Variants in EP300 observed in about 807,000 individuals in gnomAD.
The protein encoded by EP300 is histone acetyltransferase p300.
In EP300, 31 loss-of-function variants were observed where a neutral mutation model predicts 264.0. The observed-to-expected ratio is 0.12, with a 90% confidence interval of 0.09 to 0.16. EP300 has a LOEUF of 0.16. Among genes scored for constraint, EP300 ranks in the 10% least tolerant of loss-of-function variants. The pLI, the probability that EP300 is intolerant of heterozygous loss-of-function variation, is 1.00. For synonymous variants in EP300, 1,340 were observed against 1,045.4 expected (o/e 1.28, Z -5.44); for missense variants, 2,766 against 3,052.9 (o/e 0.91, Z 2.21).
intron 1 of EP300, among the ~76,000 whole-genome samples, chr22:41,111,874 AC>A (rs2058792631): frequency 2.0e-5 from 2 of 99,194 alleles, no homozygotes; most frequent in African/African-American, 7.6e-5. Flanking sequence ...AGAACTTGTA[AC>A]CTTTTTTTTT....
Position 41,151,882 on chromosome 22 carries a change from C to T in EP300, c.2867C>T (p.Ser956Phe). ...GAAGGACAGGTATCAAATCCTCCAT[C>T]TACTAGTAGCACAGAAGTGAATTCT... ...SIEGQVSNPPSTSSTEVNSQA... is the reference protein window; with the variant it reads ...SIEGQVSNPPFTSSTEVNSQA... Residue 956 changes from serine to phenylalanine, a missense_variant, in exon 15 of 31, where the codon TCT becomes TTT. By Grantham distance (155) the Ser-to-Phe change is radical (BLOSUM62 -2). Coordinates refer to ENST00000263253, the MANE Select transcript of EP300 (RefSeq NM_001429.4). 1 of 1,614,094 alleles carries T rather than the reference C, an allele frequency of 6.2e-7. No homozygotes were observed. The highest frequency in any genetic ancestry group is 1.3e-5 in the African/African-American group (1 of 75,024).
chr22:41,148,219 A>T (rs972164735), intron 12 of EP300, among the ~76,000 whole-genome samples: 5 of 152,098 alleles, frequency 3.3e-5, no homozygotes, highest in African/African-American at 1.2e-4. Context: ...CAGGCAGAGA[A>T]CTGTCTTGCA....
intron 10 of EP300, among the ~76,000 whole-genome samples, chr22:41,142,525 A>G (rs2058988580): frequency 6.6e-6 from 1 of 152,194 alleles, no homozygotes; most frequent in South Asian, 2.1e-4. Flanking sequence ...CAGGAATGAA[A>G]AAGTCAAGAT....
Position 41,129,874 on chromosome 22 carries a change from G to C in EP300, c.1169-16G>C, listed in dbSNP as rs1464221005. 4 of 1,600,474 alleles carry C rather than the reference G, an allele frequency of 2.5e-6. No homozygotes were observed. The highest frequency in any genetic ancestry group is 3.4e-6 in the Non-Finnish European group (4 of 1,168,202). ...CATTAACCTGCTCTTGAAAAAATAT[G>C]TTTTCTTCTCTTTAGTGGCACACTG... On this transcript the variant is annotated splice_polypyrimidine_tract_variant and intron_variant, in intron 4 of 30. Coordinates refer to ENST00000263253, the MANE Select transcript of EP300 (RefSeq NM_001429.4).
chr22:41,167,552 T>TTA (rs2059141339), intron 23 of EP300, among the ~76,000 whole-genome samples: 8 of 128,056 alleles, frequency 6.2e-5, no homozygotes, highest in South Asian at 2.4e-4. Flanking sequence ...TGTTCATTGT[T>TTA]TATATATTTG....
At chr22:41,158,119 G>A (rs899964326) in intron 18 of EP300, among the ~76,000 whole-genome samples, 4 of 152,170 alleles carry the variant, frequency 2.6e-5, no homozygotes, top group East Asian at 1.9e-4. Context: ...TTGGGCTCAC[G>A]CAGTCTTCCC....
rs980537521 is a variant in EP300 at position 41,131,268 on chromosome 22, A to G, written c.1283-120A>G. The G allele has an allele frequency of 2.9e-5, 33 of 1,127,376 alleles. No homozygotes were observed. In the African/African-American group the frequency reaches 4.9e-4, roughly 17 times the overall value. 69.8% of individuals were successfully genotyped at this position (1,127,376 alleles called of 1,614,324 possible). A position where few individuals can be genotyped will look rare whatever the true frequency, so the allele number is the denominator to read the frequency against. On this transcript the variant is annotated intron_variant, in intron 5 of 30. Transcript: ENST00000263253. The stretch of plus-strand genomic sequence containing the variant: ...CAGGAAATAATGGAAGACAAGATCC[A>G]CATACTCAGATGTTTCATAATCACG...
In EP300 at chr22:41,173,775, G is replaced by A; in HGVS notation, c.4770G>A (p.Lys1590=). The A allele has an allele frequency of 6.2e-7, 1 of 1,614,068 alleles. No homozygotes were observed. ...LSQKLYATME[K]HKEVFFVIRL... The stretch of plus-strand genomic sequence containing the variant: ...AGAAACTATATGCCACCATGGAGAA[G>A]CATAAAGAGGTAAGATGCAGCCACC... Residue 1590 remains lysine, a synonymous_variant, in exon 29 of 31, where the codon AAG becomes AAA. Coordinates refer to ENST00000263253, the MANE Select transcript of EP300 (RefSeq NM_001429.4).
chr22:41,111,532 TTTTC>T (rs2058790257), intron 1 of EP300, among the ~76,000 whole-genome samples: 1 of 152,016 alleles, frequency 6.6e-6, no homozygotes, highest in African/African-American at 2.4e-5. Context: ...CCTTTTTCCT[TTTTC>T]TTTCTTTCCT....
At chr22:41,129,211 C>G (rs961419638) in intron 4 of EP300, among the ~76,000 whole-genome samples, 1 of 151,932 alleles carries the variant, frequency 6.6e-6, no homozygotes, top group Non-Finnish European at 1.5e-5. Context: ...CGGGGTTTCA[C>G]TGTGTTAGCC....
chr22:41,162,603 T>G (rs1456117833), intron 20 of EP300, 120 bp from the exon 21 acceptor site: 3 of 742,596 alleles, frequency 4.0e-6, no homozygotes, highest in Non-Finnish European at 7.2e-6. Context: ...CCTATTTAAA[T>G]GTGTATTCTT....
At chr22:41,137,845 T>C in intron 8 of EP300, 55 bp downstream of exon 8, 2 of 1,612,640 alleles carry the variant, frequency 1.2e-6, no homozygotes, top group Non-Finnish European at 1.7e-6. Flanking sequence ...GTCAACATGT[T>C]TTCAATCTCC....
At chr22:41,099,890 G>T (rs1249697810) in intron 1 of EP300, among the ~76,000 whole-genome samples, 6 of 152,122 alleles carry the variant, frequency 3.9e-5, no homozygotes, top group Non-Finnish European at 8.8e-5. Context: ...TTCACTACCC[G>T]GTCAGGTGAG....
At chr22:41,154,376 CTTTTTTTTTTTTTT>C (rs869304891) in intron 16 of EP300, among the ~76,000 whole-genome samples, 4 of 61,792 alleles carry the variant, frequency 6.5e-5, no homozygotes, top group Non-Finnish European at 8.4e-5. Context: ...CTTGTGCACT[CTTTTTTTTTTTTTT>C]TTTTTTTTTG....
At chr22:41,167,568 GTGTGTGTGTGTGTGTGTATATA>G (rs2059141612) in intron 23 of EP300, among the ~76,000 whole-genome samples, 1 of 28,954 alleles carries the variant, frequency 3.5e-5, no homozygotes, top group African/African-American at 1.5e-4. Flanking sequence ...ATTTGTGTGT[GTGTGTGTGTGTGTGTGTATATA>G]TATATATATA....
intron 25 of EP300, 70 bp downstream of exon 25, chr22:41,168,937 A>G (rs376302851): frequency 1.7e-5 from 27 of 1,597,868 alleles, no homozygotes; most frequent in South Asian, 3.3e-5. Flanking sequence ...GTGGAAAAGC[A>G]TAACAGGCAA....
At chr22:41,158,915 G>C (rs1451783581) in intron 19 of EP300, 2 of 201,324 alleles carry the variant, frequency 9.9e-6, no homozygotes, top group Non-Finnish European at 2.1e-5. Flanking sequence ...TCCCTAAGTA[G>C]TTGTTATTAG....
At chr22:41,167,742 C>G (rs1281245162) in intron 23 of EP300, among the ~76,000 whole-genome samples, 2 of 144,470 alleles carry the variant, frequency 1.4e-5, no homozygotes, top group Non-Finnish European at 3.0e-5. Context: ...CCTCAGCCTC[C>G]CAAAGTACAA....
chr22:41,177,769 C>G lies in EP300; in HGVS notation c.6058C>G (p.Gln2020Glu). The change falls in exon 31 of 31, where the codon CAG becomes GAG. Residue 2020 changes from glutamine (Q) to glutamate (E), a missense_variant. Transcript: ENST00000263253. Reference protein sequence around the residue: ...MPRPAMMSVAQHGQPLNMAPQ... With the variant: ...MPRPAMMSVAEHGQPLNMAPQ... ...AAGGCCAGCCATGATGTCAGTGGCC[C>G]AGCATGGTCAACCTTTGAACATGGC... 6.2e-7 allele frequency: 1 copy of G among 1,613,984 alleles called. No homozygotes were observed. The highest frequency in any genetic ancestry group is 1.1e-5 in the South Asian group (1 of 91,090).
Sources: gnomAD v4.1 joint callset for allele counts (sites outside exome capture counted in the v4.1 genomes callset) on GRCh38, gnomAD v4.1.1 for gene constraint, MANE v1.5 for transcripts, NCBI Gene and HGNC (gene_info 2026-07-23, HGNC 2026-07-21) for gene names.